The following DRP2 variants were observed in gnomAD, a reference collection of about 807,000 sequenced individuals.
DRP2 encodes dystrophin related protein 2.
In DRP2, 29 loss-of-function variants were observed where a neutral mutation model predicts 78.2. The observed-to-expected ratio is 0.37, with a 90% CI of 0.28 to 0.51. The LOEUF is 0.51. DRP2 is among the 20% of genes least tolerant of loss of function. The probability of loss-of-function intolerance (pLI) is 0.94; values close to 1 mark genes in which losing one functional copy is unlikely to be tolerated. For missense variants in DRP2, 686 were observed against 770.6 expected (o/e 0.89, Z 1.30); for synonymous variants, 290 against 281.9 (o/e 1.03, Z -0.29).
intron 1 of DRP2, among the ~76,000 whole-genome samples, chrX:101,223,744 A>T: frequency 8.9e-6 from 1 of 112,354 alleles, no homozygotes; most frequent in East Asian, 2.8e-4. Flanking sequence ...TATTTCTCAA[A>T]ATTGCTTGAC....
In DRP2 at chrX:101,239,104, A is replaced by G. The variant is rs1280023227; in HGVS notation, c.559+3A>G. 1 of 1,207,671 alleles carries G rather than the reference A, an allele frequency of 8.3e-7. No individual in the cohort carries two copies. The highest frequency in any genetic ancestry group is 2.2e-5 in the Admixed American group (1 of 45,502). ...GGAGCCTCATTCTGAGAGCAAAGGTAGGTGGTCTTCTGTTTTTCCCACTTC... is the reference window on the plus strand; with the variant it reads ...GGAGCCTCATTCTGAGAGCAAAGGTGGGTGGTCTTCTGTTTTTCCCACTTC... On this transcript the variant is annotated splice_donor_region_variant and intron_variant, in intron 6 of 23. Transcript: ENST00000395209.
chrX:101,255,345 G>A, intron 20 of DRP2, 96 bp downstream of exon 20: 1 of 916,697 alleles, frequency 1.1e-6, no homozygotes. Flanking sequence ...GAATGGGGGT[G>A]TGTGGTGGTT....
At chrX:101,251,112 T>C in intron 16 of DRP2, 29 bp downstream of exon 16, 1 of 1,148,966 alleles carries the variant, frequency 8.7e-7, no homozygotes, top group South Asian at 2.0e-5. Context: ...GCTGGGATGA[T>C]AATAATAAAT....
chrX:101,226,096 C>T (rs1013374920), intron 2 of DRP2, among the ~76,000 whole-genome samples: 5 of 111,448 alleles, frequency 4.5e-5, no homozygotes, highest in Non-Finnish European at 7.5e-5. Flanking sequence ...GACTAACCAC[C>T]ACCTTGATTT....
rs187860127 is a variant in DRP2 at position 101,236,296 on chromosome X, A to C, written c.281+273A>C. Among the ~76,000 whole-genome samples, 696 of 112,290 alleles carry C rather than the reference A, an allele frequency of 6.2e-3. 2 individuals carry two copies. Among genetic ancestry groups the C allele is most frequent in the Non-Finnish European group, 0.011 (584 of 53,273 alleles). On this transcript the variant is annotated intron_variant, in intron 4 of 23. Coordinates refer to ENST00000395209, the MANE Select transcript of DRP2 (RefSeq NM_001939.3). The stretch of plus-strand genomic sequence containing the variant: ...TTGTTTTTTATAAGGACAAAAAATG[A>C]GTGGAGGAATAATACCTGTTCTAAC...
At chrX:101,220,637 A>G (rs1193486735) in intron 1 of DRP2, among the ~76,000 whole-genome samples, 1 of 110,841 alleles carries the variant, frequency 9.0e-6, no homozygotes, top group Non-Finnish European at 1.9e-5. Context: ...GAGAGGAAAC[A>G]TGGGACCTTG....
chrX:101,236,048 T>C lies in DRP2; in HGVS notation c.281+25T>C, dbSNP rs1481778412. The C allele has an allele frequency of 3.3e-6, 4 of 1,205,865 alleles. No homozygotes were observed. In the Admixed American group the frequency reaches 6.6e-5, roughly 20 times the overall value. On this transcript the variant is annotated intron_variant, in intron 4 of 23. Coordinates refer to ENST00000395209, the MANE Select transcript of DRP2 (RefSeq NM_001939.3). ...GGTAAGAAACAGGTGCCTTAGGGAA[T>C]TGGCTTAGATGGTGTTGGGCTCCTT...
chrX:101,228,445 A>G (rs1436800335), intron 2 of DRP2, among the ~76,000 whole-genome samples: 1 of 111,728 alleles, frequency 9.0e-6, no homozygotes, highest in Non-Finnish European at 1.9e-5. Context: ...TGAGGATGCT[A>G]TCATTATTTA....
At chrX:101,224,191 G>T (rs13440510) in intron 1 of DRP2, among the ~76,000 whole-genome samples, 8,022 of 36,544 alleles carry the variant, frequency 0.22, 551 homozygotes, top group Middle Eastern at 0.26. Context: ...GGTTTTTTTT[G>T]TTTTTTTTTT....
intron 22 of DRP2, among the ~76,000 whole-genome samples, 188 bp downstream of exon 22, chrX:101,258,734 C>T (rs1490675113): frequency 9.0e-6 from 1 of 110,833 alleles, no homozygotes; most frequent in Non-Finnish European, 1.9e-5. Context: ...GGTATGGTCA[C>T]ATCTTCAGCC....
chrX:101,243,117 G>A, intron 9 of DRP2, 135 bp downstream of exon 9: 1 of 527,898 alleles, frequency 1.9e-6, no homozygotes, highest in Non-Finnish European at 3.1e-6. Flanking sequence ...AAAACAGTGT[G>A]GTATAGTGGT....
intron 3 of DRP2, among the ~76,000 whole-genome samples, chrX:101,232,571 G>A (rs151201666): frequency 0.01 from 1,127 of 111,508 alleles, 17 homozygotes; most frequent in African/African-American, 0.035. Flanking sequence ...GAGGAAGAAA[G>A]GAAGTGGGGA....
At chrX:101,242,297 C>T (rs754554838) in intron 7 of DRP2, 28 bp from the exon 8 acceptor site, 3 of 1,203,725 alleles carry the variant, frequency 2.5e-6, no homozygotes, top group Non-Finnish European at 3.4e-6. Context: ...ACTCTGTCTG[C>T]TGTGGCACTT....
At chrX:101,246,984 G>A in intron 11 of DRP2, 106 bp from the exon 12 acceptor site, 4 of 609,117 alleles carry the variant, frequency 6.6e-6, no homozygotes, top group Non-Finnish European at 7.7e-6. Context: ...ACTTGCTATT[G>A]TCAGACATCT....
intron 2 of DRP2, among the ~76,000 whole-genome samples, chrX:101,227,960 C>T (rs1407433442): frequency 8.9e-6 from 1 of 112,049 alleles, no homozygotes; most frequent in East Asian, 2.8e-4. Flanking sequence ...GAGATACAAA[C>T]GACCACTAAA....
chrX:101,224,555 A>C (rs755558116), intron 1 of DRP2, 49 bp from the exon 2 acceptor site: 4 of 112,255 alleles, frequency 3.6e-5, no homozygotes, highest in African/African-American at 1.3e-4. Context: ...TATAACTTTG[A>C]AATCTGTCCA....
chrX:101,233,581 C>T (rs754239291), intron 3 of DRP2, among the ~76,000 whole-genome samples: 32 of 112,093 alleles, frequency 2.9e-4, no homozygotes, highest in African/African-American at 9.4e-4. Context: ...TTGGTAAAAA[C>T]GATGTGTTTT....
At chrX:101,244,327 T>C (rs751457095) in intron 9 of DRP2, among the ~76,000 whole-genome samples, 1 of 111,852 alleles carries the variant, frequency 8.9e-6, no homozygotes, top group South Asian at 3.8e-4. Flanking sequence ...CACAAAGCAA[T>C]GAGCATAATA....
Position 101,241,820 on chromosome X carries a change from G to A in DRP2, c.712G>A (p.Gly238Arg), listed in dbSNP as rs773059872. 1 of 1,209,191 alleles carries A rather than the reference G, an allele frequency of 8.3e-7. No individual in the cohort carries two copies. The highest frequency in any genetic ancestry group is 2.2e-5 in the Admixed American group (1 of 45,797). ...RTLEQLLEIQ[G>R]AMEELSTTLS... ...TCTGGAGCAGCTCTTGGAGATTCAA[G>A]GGGCAATGGAGGAACTAAGCACTAC... The change falls in exon 7 of 24, where the codon GGG becomes AGG. Residue 238 changes from glycine (G) to arginine (R), a missense_variant. Gly to Arg is a moderately radical substitution (Grantham distance 125). Coordinates refer to ENST00000395209, the MANE Select transcript of DRP2 (RefSeq NM_001939.3).
Sources: allele counts gnomAD v4.1 joint callset (sites outside exome capture counted in the v4.1 genomes callset), GRCh38; gene constraint gnomAD v4.1.1; transcripts MANE v1.5; gene names NCBI Gene and HGNC (gene_info 2026-07-23, HGNC 2026-07-21).